CELF2: variants seen among roughly 807,000 people sequenced by gnomAD.
CELF2 encodes the protein CUG triplet repeat RNA-binding protein 2.
A neutral mutation model predicts 62.6 loss-of-function variants in CELF2; 8 were observed. That is an observed-to-expected ratio of 0.13 (90% CI 0.07 to 0.23). The LOEUF is 0.23. Ranked by LOEUF, CELF2 falls within the 10% of genes least tolerant of loss-of-function variation. The pLI, the probability that CELF2 is intolerant of heterozygous loss-of-function variation, is 1.00. For missense variants in CELF2, 333 were observed against 671.0 expected (o/e 0.50, Z 5.56); for synonymous variants, 258 against 250.0 (o/e 1.03, Z -0.30).
chr10:10,497,571 AG>A, the CELF2 span, among the ~76,000 whole-genome samples: 1 of 152,028 alleles, frequency 6.6e-6, no homozygotes. Flanking sequence ...GGAGAGATGA[AG>A]GGTTGGGGAT....
intron 2 of CELF2, among the ~76,000 whole-genome samples, chr10:11,186,296 C>CTTTTT (rs57327671): frequency 3.5e-5 from 4 of 115,506 alleles, no homozygotes; most frequent in Non-Finnish European, 5.4e-5. Flanking sequence ...GGTTTTGTTG[C>CTTTTT]TTTTTTTTTT....
intron 1 of CELF2, among the ~76,000 whole-genome samples, chr10:11,077,617 G>A (rs1235160831): frequency 6.6e-6 from 1 of 152,144 alleles, no homozygotes; most frequent in Non-Finnish European, 1.5e-5. Context: ...ACTTTTATCA[G>A]CAAAATTTGA....
the CELF2 span, among the ~76,000 whole-genome samples, chr10:10,574,872 G>GCTTTT: frequency 7.2e-4 from 76 of 105,998 alleles, 3 homozygotes; most frequent in African/African-American, 2.0e-3. Flanking sequence ...ACCATGCCTG[G>GCTTTT]TTTTTTTTTT....
chr10:11,307,584 A>G (rs1247794831), intron 9 of CELF2, among the ~76,000 whole-genome samples: 1 of 152,206 alleles, frequency 6.6e-6, no homozygotes, highest in Non-Finnish European at 1.5e-5. Context: ...AGATTATTTA[A>G]TCTTTACAAT....
chr10:10,736,183 T>C, the CELF2 span, among the ~76,000 whole-genome samples: 1 of 152,196 alleles, frequency 6.6e-6, no homozygotes, highest in Non-Finnish European at 1.5e-5. Flanking sequence ...TGAAAAGAGC[T>C]TGGTCCGATA....
chr10:10,890,025 G>A (rs1388939875), intron 1 of CELF2, among the ~76,000 whole-genome samples: 1 of 152,278 alleles, frequency 6.6e-6, no homozygotes, highest in East Asian at 1.9e-4. Flanking sequence ...TCCTGAGATG[G>A]AAACGATGGG....
chr10:10,478,593 TTGTATTTGGACTCACCA>T, the CELF2 span, among the ~76,000 whole-genome samples: 2,348 of 152,290 alleles, frequency 0.015, 66 homozygotes, highest in African/African-American at 0.054. Context: ...GATGTTTTGG[TTGTATTTGGACTCACCA>T]TGTATTTGGA....
chr10:10,693,661 A>T, the CELF2 span, among the ~76,000 whole-genome samples: 1 of 151,334 alleles, frequency 6.6e-6, no homozygotes, highest in Non-Finnish European at 1.5e-5. Context: ...TTGGTTGGTA[A>T]GCTATTGATT....
chr10:11,158,631 G>A (rs770488844), intron 1 of CELF2, among the ~76,000 whole-genome samples: 9 of 152,064 alleles, frequency 5.9e-5, no homozygotes, highest in Non-Finnish European at 1.2e-4. Context: ...ACTTCTTTGT[G>A]GGGGTTCTCC....
chr10:11,216,144 G>C (rs2135893313), intron 2 of CELF2, among the ~76,000 whole-genome samples: 1 of 152,288 alleles, frequency 6.6e-6, no homozygotes, highest in South Asian at 2.1e-4. Flanking sequence ...AAGATGCTAT[G>C]GTCATAGTCT....
rs1380135125 is a variant in CELF2, at chr10:10,928,127, A to G, written c.89+8128A>G. Among the ~76,000 whole-genome samples the G allele has an allele frequency of 1.3e-5, 2 of 152,066 alleles. No individual in the cohort carries two copies. The highest frequency in any genetic ancestry group is 2.9e-5 in the Non-Finnish European group (2 of 68,016). The stretch of plus-strand genomic sequence containing the variant: ...AACCCCCCAACACACTTCCTATCAC[A>G]TCGCCATATTTATTGTCATCTATTT... On this transcript the variant is annotated intron_variant, in intron 2 of 13. Transcript: ENST00000636488. This position sits in a 1 kb window ranked among gnomAD's most constrained non-coding sequence, Gnocchi z 4.8.
the CELF2 span, among the ~76,000 whole-genome samples, chr10:10,482,460 G>A: frequency 2.0e-5 from 3 of 152,198 alleles, no homozygotes; most frequent in Non-Finnish European, 4.4e-5. Flanking sequence ...GAAACTCTGG[G>A]TTAAAGTGTT....
At chr10:10,842,449 A>C (rs1289978294) in intron 1 of CELF2, among the ~76,000 whole-genome samples, 1 of 152,100 alleles carries the variant, frequency 6.6e-6, no homozygotes, top group Non-Finnish European at 1.5e-5. Context: ...GCTCTTTATC[A>C]AATTGAGGAA....
At chr10:11,071,488 T>A (rs554594929) in intron 1 of CELF2, 8 of 152,332 alleles carry the variant, frequency 5.3e-5, no homozygotes, top group African/African-American at 1.9e-4. Context: ...TCCTGACTTA[T>A]CTTCGACACA....
chr10:11,045,479 A>C (rs2139727406), intron 1 of CELF2, among the ~76,000 whole-genome samples: 1 of 152,348 alleles, frequency 6.6e-6, no homozygotes, highest in African/African-American at 2.4e-5. Context: ...AAAATGGGTG[A>C]ATAACTGTAG....
intron 1 of CELF2, among the ~76,000 whole-genome samples, chr10:10,879,718 A>G (rs1157119639): frequency 6.6e-6 from 1 of 152,218 alleles, no homozygotes; most frequent in African/African-American, 2.4e-5. Context: ...TCTACATGAA[A>G]TAAATGCTTT....
chr10:11,123,425 A>AT (rs2058124750), intron 1 of CELF2, among the ~76,000 whole-genome samples: 1 of 151,844 alleles, frequency 6.6e-6, no homozygotes, highest in Admixed American at 6.6e-5. Context: ...TAATTATTTT[A>AT]TTTTTTGTAG....
chr10:10,839,506 T>C (rs1423960659), intron 1 of CELF2, among the ~76,000 whole-genome samples: 1 of 152,224 alleles, frequency 6.6e-6, no homozygotes, highest in Non-Finnish European at 1.5e-5. Context: ...CTACACCCCA[T>C]TAAGAAACAA....
At chr10:10,702,626 C>G in the CELF2 span, among the ~76,000 whole-genome samples, 1 of 152,126 alleles carries the variant, frequency 6.6e-6, no homozygotes, top group Non-Finnish European at 1.5e-5. Context: ...ACTCTGTCAC[C>G]CAGGCTGGAG....
Sources: allele counts gnomAD v4.1 joint callset (sites outside exome capture counted in the v4.1 genomes callset), GRCh38; gene constraint gnomAD v4.1.1; non-coding constraint Gnocchi (gnomAD v3.1); transcripts MANE v1.5; gene names NCBI Gene and HGNC (gene_info 2026-07-23, HGNC 2026-07-21).